The following CPNE5 variants were observed in gnomAD, a reference collection of about 807,000 sequenced individuals.
CPNE5 encodes the protein copine-5.
CPNE5 carries 42 observed loss-of-function variants against 81.1 expected under a neutral mutation model. The ratio of observed to expected loss-of-function variants is 0.52; its 90% CI spans 0.40 to 0.67. The LOEUF is 0.67. Ranked by LOEUF, CPNE5 falls within the 30% of genes least tolerant of loss-of-function variation. The probability of loss-of-function intolerance (pLI) is 0.00; values close to 1 mark genes in which losing one functional copy is unlikely to be tolerated. For synonymous variants in CPNE5, 313 were observed against 321.5 expected (o/e 0.97, Z 0.28); for missense variants, 612 against 815.5 (o/e 0.75, Z 3.04).
In CPNE5 at chr6:36,744,966, G is replaced by A. The variant is rs932152727; in HGVS notation, c.1431+82C>T. On this transcript the variant is annotated intron_variant, in intron 18 of 20. Coordinates refer to ENST00000244751, the MANE Select transcript of CPNE5 (RefSeq NM_020939.2). ...CCAAGCATTTCCCTAAGGTCAAGGA[G>A]GTAGGCACATCCCCAGGGTTCCCCT... 1.2e-5 allele frequency: 11 copies of A among 952,334 alleles called. No individual in the cohort carries two copies. The African/African-American group carries it at 1.8e-4, about 15-fold the overall frequency. 59.0% of individuals were successfully genotyped at this position (952,334 alleles called of 1,614,324 possible). A position where few individuals can be genotyped will look rare whatever the true frequency, so the allele number is the denominator to read the frequency against.
intron 3 of CPNE5, among the ~76,000 whole-genome samples, chr6:36,812,168 G>C (rs971166190): frequency 1.3e-5 from 2 of 152,138 alleles, no homozygotes; most frequent in African/African-American, 4.8e-5. Flanking sequence ...AGAAGACCAG[G>C]GACTCCGACT....
At chr6:36,834,243 A>G (rs58734660) in intron 1 of CPNE5, among the ~76,000 whole-genome samples, 1 of 77,610 alleles carries the variant, frequency 1.3e-5, no homozygotes, top group Non-Finnish European at 3.0e-5. Context: ...TGGGCAACAG[A>G]GACTGTATCT....
Position 36,839,150 on chromosome 6 carries a change from G to A in CPNE5, c.95+133C>T, listed in dbSNP as rs9470415. 7.8e-3 allele frequency: 4,782 copies of A among 609,588 alleles called. 48 individuals carry two copies. The highest frequency in any genetic ancestry group is 0.038 in the African/African-American group (1,996 of 52,512). 37.8% of individuals were successfully genotyped at this position (609,588 alleles called of 1,614,324 possible). On this transcript the variant is annotated intron_variant, in intron 1 of 20. Coordinates refer to ENST00000244751, the MANE Select transcript of CPNE5 (RefSeq NM_020939.2). This position sits in a 1 kb window ranked among gnomAD's most constrained non-coding sequence, Gnocchi z 7.3. ...ACAGGACAGGGGCTCTTGGCAGATC[G>A]GCAGGGGCGCAGTCCTGGAGACCAG... is the stretch of plus-strand genomic sequence containing the variant.
intron 9 of CPNE5, among the ~76,000 whole-genome samples, chr6:36,776,997 G>T (rs1767564978): frequency 6.6e-6 from 1 of 152,192 alleles, no homozygotes; most frequent in Non-Finnish European, 1.5e-5. Flanking sequence ...AGTTTCTTCA[G>T]TGCCCCACGG....
chr6:36,799,621 C>T (rs762235419), intron 4 of CPNE5, among the ~76,000 whole-genome samples: 4 of 152,174 alleles, frequency 2.6e-5, no homozygotes, highest in Admixed American at 6.5e-5. Flanking sequence ...CCAGTGGGTA[C>T]CTCCTGGTTG....
chr6:36,823,095 G>T lies in CPNE5; in HGVS notation c.99C>A (p.Asn33Lys). The change falls in exon 2 of 21, where the codon AAC (asparagine) becomes AAA (lysine). Residue 33 changes from asparagine to lysine, a missense_variant. By Grantham distance (94) the Asn-to-Lys change is moderately conservative. Transcript: ENST00000244751. ...TGGAAAACATGTCTTTGTCCAGGAG[G>T]TTCCTGAAAGAGGGGGAGAGAGGAG... ...TKVEITVSCR[N>K]LLDKDMFSKS... 2 of 1,569,044 alleles carry T rather than the reference G, an allele frequency of 1.3e-6. No individual in the cohort carries two copies. The highest frequency in any genetic ancestry group is 1.7e-6 in the Non-Finnish European group (2 of 1,155,616).
At position 36,765,354 on chromosome 6, in the gene CPNE5, C is replaced by T; in HGVS notation, c.760G>A (p.Asp254Asn). Reference protein sequence around the residue: ...YDRTIKVEVYDWDRDGSHDFI... With the variant: ...YDRTIKVEVYNWDRDGSHDFI... ...GCTTACCTGCCGTCCCGATCCCAGTCGTACACCTCCACCTTGATGGTCCTG... is the reference window on the plus strand; with the variant it reads ...GCTTACCTGCCGTCCCGATCCCAGTTGTACACCTCCACCTTGATGGTCCTG... The change falls in exon 11 of 21, where the codon GAC (aspartate) becomes AAC (asparagine). Residue 254 changes from aspartate to asparagine, a missense_variant. Coordinates refer to ENST00000244751, the MANE Select transcript of CPNE5 (RefSeq NM_020939.2). 5 of 1,614,106 alleles carry T rather than the reference C, an allele frequency of 3.1e-6. No individual in the cohort carries two copies. The highest frequency in any genetic ancestry group is 1.6e-4 in the Middle Eastern group (1 of 6,062).
At position 36,823,077 on chromosome 6, in the gene CPNE5, C is replaced by T; in HGVS notation, c.117G>A (p.Met39Ile). The T allele has an allele frequency of 6.3e-7, 1 of 1,575,808 alleles. No individual in the cohort carries two copies. The highest frequency in any genetic ancestry group is 8.6e-7 in the Non-Finnish European group (1 of 1,159,660). The part of the protein sequence containing the change: ...VSCRNLLDKD[M>I]FSKSDPLCVM... ...ACTTACGTGGGTCGGACTTGGAAAA[C>T]ATGTCTTTGTCCAGGAGGTTCCTGA... The change falls in exon 2 of 21, where the codon ATG becomes ATA. Residue 39 changes from methionine (M) to isoleucine (I), a missense_variant. Transcript: ENST00000244751.
chr6:36,802,190 G>A (rs190978285), intron 3 of CPNE5, among the ~76,000 whole-genome samples: 286 of 111,602 alleles, frequency 2.6e-3, no homozygotes, highest in African/African-American at 9.3e-3. Flanking sequence ...ATGTACTCCA[G>A]CCTGGCAACA....
At chr6:36,744,243 A>G in intron 19 of CPNE5, 25 bp downstream of exon 19, 1 of 1,561,804 alleles carries the variant, frequency 6.4e-7, no homozygotes, top group Non-Finnish European at 8.7e-7. Context: ...GAAGGAAAGG[A>G]GGGGAAGGCA....
intron 1 of CPNE5, among the ~76,000 whole-genome samples, chr6:36,833,199 G>GTA (rs1773112581): frequency 6.6e-6 from 1 of 152,204 alleles, no homozygotes; most frequent in Non-Finnish European, 1.5e-5. Context: ...TCTCCAAAGT[G>GTA]TACTCACTGT....
intron 12 of CPNE5, 48 bp downstream of exon 12, chr6:36,762,869 C>G (rs1311550937): frequency 2.0e-6 from 3 of 1,487,522 alleles, no homozygotes; most frequent in African/African-American, 2.8e-5. Flanking sequence ...TCCTCAGTGA[C>G]TGGGCCACTT....
intron 12 of CPNE5, among the ~76,000 whole-genome samples, chr6:36,762,017 C>T (rs1431766816): frequency 6.6e-6 from 1 of 152,018 alleles, no homozygotes; most frequent in East Asian, 1.9e-4. Flanking sequence ...TTTGGGAGGC[C>T]AAGGCAGGAG....
At chr6:36,837,813 A>C (rs1773651906) in intron 1 of CPNE5, among the ~76,000 whole-genome samples, 1 of 152,050 alleles carries the variant, frequency 6.6e-6, no homozygotes, top group Non-Finnish European at 1.5e-5. Flanking sequence ...GACAGGCATG[A>C]TTGAAGGCTG....
intron 3 of CPNE5, among the ~76,000 whole-genome samples, chr6:36,811,193 G>A (rs987388136): frequency 3.3e-5 from 5 of 152,130 alleles, no homozygotes; most frequent in African/African-American, 1.2e-4. Context: ...TGACTGTAGA[G>A]GGTGGGGGGC....
rs1766546387 is a variant in CPNE5 at position 36,766,140 on chromosome 6, A to G, written c.738-764T>C. ...GATGCCCAGGGACAGGGGAGCTGCCAGGGTCCCACAGCAGGGTCAGGTTTG... is the reference window on the plus strand; with the variant it reads ...GATGCCCAGGGACAGGGGAGCTGCCGGGGTCCCACAGCAGGGTCAGGTTTG... On this transcript the variant is annotated intron_variant, in intron 10 of 20. Transcript: ENST00000244751. This position sits in a 1 kb window ranked among gnomAD's most constrained non-coding sequence, Gnocchi z 4.2. Among the ~76,000 whole-genome samples the G allele has an allele frequency of 2.0e-5, 3 of 152,170 alleles. No homozygotes were observed. The highest frequency in any genetic ancestry group is 4.4e-5 in the Non-Finnish European group (3 of 67,974).
intron 1 of CPNE5, among the ~76,000 whole-genome samples, chr6:36,829,371 T>C (rs1364575574): frequency 6.6e-6 from 1 of 151,718 alleles, no homozygotes; most frequent in Non-Finnish European, 1.5e-5. Flanking sequence ...GTGGTGTGTA[T>C]CTGTAGTCCC....
At chr6:36,784,880 A>C (rs1218677491) in intron 8 of CPNE5, among the ~76,000 whole-genome samples, 1 of 151,592 alleles carries the variant, frequency 6.6e-6, no homozygotes, top group Non-Finnish European at 1.5e-5. Flanking sequence ...TGGAGGTTGC[A>C]GTGAGCCATG....
intron 10 of CPNE5, among the ~76,000 whole-genome samples, chr6:36,768,026 C>T (rs1256738937): frequency 2.6e-5 from 4 of 152,044 alleles, no homozygotes; most frequent in Non-Finnish European, 5.9e-5. Flanking sequence ...CAGGTTGAGA[C>T]CACTGAATGA....
Sources: gnomAD v4.1 joint callset for allele counts (sites outside exome capture counted in the v4.1 genomes callset) on GRCh38, gnomAD v4.1.1 for gene constraint, Gnocchi (gnomAD v3.1) non-coding constraint, MANE v1.5 for transcripts, NCBI Gene and HGNC (gene_info 2026-07-23, HGNC 2026-07-21) for gene names.